The following CDK5RAP2 variants were observed in gnomAD, a reference collection of about 807,000 sequenced individuals.
CDK5RAP2 encodes CDK5 regulatory subunit associated protein 2.
CDK5RAP2 carries 147 observed loss-of-function variants against 232.9 expected under a neutral mutation model. That is an observed-to-expected ratio of 0.63 (90% CI 0.55 to 0.72). The LOEUF is 0.72. Among genes scored for constraint, CDK5RAP2 ranks in the 30% least tolerant of loss-of-function variants. CDK5RAP2 has a pLI of 0.00. For missense variants in CDK5RAP2, 2,195 were observed against 2,231.5 expected (o/e 0.98, Z 0.33); for synonymous variants, 833 against 833.7 (o/e 1.00, Z 0.01).
chr9:120,545,828 A>C (rs2041819366), intron 4 of CDK5RAP2, 38 bp from the exon 5 acceptor site: 3 of 1,514,610 alleles, frequency 2.0e-6, no homozygotes, highest in African/African-American at 2.7e-5. Context: ...AAACAATGTA[A>C]AATAGAGGAC....
intron 25 of CDK5RAP2, among the ~76,000 whole-genome samples, chr9:120,433,453 A>G (rs1252417291): frequency 6.6e-6 from 1 of 152,224 alleles, no homozygotes; most frequent in Non-Finnish European, 1.5e-5. Flanking sequence ...CCAATTAGGT[A>G]TTAGAATGCT....
chr9:120,400,633 A>AC, intron 35 of CDK5RAP2, 109 bp downstream of exon 35: 5 of 1,373,462 alleles, frequency 3.6e-6, no homozygotes, highest in Non-Finnish European at 5.1e-6. Flanking sequence ...CCTAATACAT[A>AC]CCCCAAATGG....
intron 25 of CDK5RAP2, among the ~76,000 whole-genome samples, chr9:120,426,718 C>T (rs988149975): frequency 6.6e-6 from 1 of 152,164 alleles, no homozygotes; most frequent in Non-Finnish European, 1.5e-5. Flanking sequence ...CTACAAGAGA[C>T]AGCATTTCAG....
intron 2 of CDK5RAP2, among the ~76,000 whole-genome samples, chr9:120,571,269 T>C (rs1327583189): frequency 6.6e-6 from 1 of 152,234 alleles, no homozygotes; most frequent in Non-Finnish European, 1.5e-5. Context: ...ACTCTTTTCC[T>C]GTCTGCTCCA....
chr9:120,409,425 G>T, intron 29 of CDK5RAP2, 109 bp from the exon 30 acceptor site: 1 of 857,754 alleles, frequency 1.2e-6, no homozygotes, highest in Non-Finnish European at 1.9e-6. Context: ...ATTCGATCTG[G>T]CATTTATGAT....
intron 25 of CDK5RAP2, among the ~76,000 whole-genome samples, chr9:120,430,091 A>G (rs1264091007): frequency 2.0e-5 from 3 of 152,132 alleles, no homozygotes; most frequent in Non-Finnish European, 4.4e-5. Flanking sequence ...CCTTCCTTAC[A>G]CCTTATACAA....
rs2040973664 is a variant in CDK5RAP2 at position 120,527,843 on chromosome 9, T to G, written c.962A>C (p.Gln321Pro). ...TGATTTTAATGCCATGGTTAAACCC[T>G]GAATGGCTTTATCCCTCTTTAGACT... Reference protein sequence around the residue: ...KNSLKRDKAIQGLTMALKSKE... With the variant: ...KNSLKRDKAIPGLTMALKSKE... The change falls in exon 10 of 38, where the codon CAG becomes CCG. Residue 321 changes from glutamine to proline, a missense_variant. Transcript: ENST00000349780. The G allele has an allele frequency of 6.2e-7, 1 of 1,613,700 alleles. No homozygotes were observed. The highest frequency in any genetic ancestry group is 8.5e-7 in the Non-Finnish European group (1 of 1,179,742).
chr9:120,558,704 T>C (rs1462268187), intron 3 of CDK5RAP2, among the ~76,000 whole-genome samples: 2 of 152,144 alleles, frequency 1.3e-5, no homozygotes, highest in African/African-American at 4.8e-5. Context: ...CCAGGGTGGC[T>C]CGATCTCATC....
intron 9 of CDK5RAP2, 57 bp downstream of exon 9, chr9:120,528,687 C>A (rs1222513423): frequency 9.1e-7 from 1 of 1,099,724 alleles, no homozygotes; most frequent in East Asian, 2.4e-5. Context: ...CAGAATAAAA[C>A]AAGAGGCAAG....
intron 22 of CDK5RAP2, among the ~76,000 whole-genome samples, chr9:120,445,373 T>A (rs1372986783): frequency 1.3e-5 from 2 of 152,234 alleles, no homozygotes; most frequent in African/African-American, 4.8e-5. Flanking sequence ...ATTCACTGAA[T>A]CCCTTGAGGT....
At chr9:120,431,957 T>C (rs567198630) in intron 25 of CDK5RAP2, among the ~76,000 whole-genome samples, 1 of 152,300 alleles carries the variant, frequency 6.6e-6, no homozygotes, top group South Asian at 2.1e-4. Context: ...AAAATGTACA[T>C]TGCAGGTTTC....
intron 14 of CDK5RAP2, among the ~76,000 whole-genome samples, chr9:120,480,446 A>T (rs1034337704): frequency 1.3e-5 from 2 of 152,206 alleles, no homozygotes; most frequent in Non-Finnish European, 2.9e-5. Flanking sequence ...AGAAATAGTT[A>T]TTTTGTATAT....
intron 13 of CDK5RAP2, 78 bp from the exon 14 acceptor site, chr9:120,487,515 GA>G: frequency 8.8e-7 from 1 of 1,136,430 alleles, no homozygotes; most frequent in Non-Finnish European, 1.2e-6. Flanking sequence ...ACTCCTTAAG[GA>G]AAAATATTTT....
intron 35 of CDK5RAP2, 31 bp from the exon 36 acceptor site, chr9:120,394,669 A>G: frequency 6.6e-7 from 1 of 1,514,102 alleles, no homozygotes; most frequent in South Asian, 1.1e-5. Context: ...AAAAATGAAC[A>G]AAGAACATAA....
At chr9:120,454,540 C>A (rs895715848) in intron 20 of CDK5RAP2, among the ~76,000 whole-genome samples, 1 of 152,222 alleles carries the variant, frequency 6.6e-6, no homozygotes, top group Non-Finnish European at 1.5e-5. Flanking sequence ...GCAGCAGATG[C>A]TTTTCATGTC....
rs549689536 is a variant in CDK5RAP2, at chr9:120,580,031, C to A, written c.-53G>T. 1.6e-6 allele frequency: 2 copies of A among 1,264,126 alleles called. No homozygotes were observed. The highest frequency in any genetic ancestry group is 1.5e-5 in the African/African-American group (1 of 68,536). The allele number at this position is 1,264,126 out of a possible 1,614,324, so 78.3% of individuals were successfully genotyped here. On this transcript the variant is annotated 5_prime_UTR_variant, in exon 1 of 38. Transcript: ENST00000349780. The stretch of plus-strand genomic sequence containing the variant: ...GTCTGTGGCGGCGGCGCCACTAGTA[C>A]CCCCCGCGATAGCGACCCGCCGGGC...
At chr9:120,522,985 T>G (rs1259378905) in intron 11 of CDK5RAP2, among the ~76,000 whole-genome samples, 1 of 152,222 alleles carries the variant, frequency 6.6e-6, no homozygotes, top group Non-Finnish European at 1.5e-5. Flanking sequence ...AGCATAGGCT[T>G]TGAAGACAGA....
intron 22 of CDK5RAP2, among the ~76,000 whole-genome samples, chr9:120,447,427 C>T (rs2036250900): frequency 6.6e-6 from 1 of 152,156 alleles, no homozygotes; most frequent in South Asian, 2.1e-4. Flanking sequence ...GAGAGCAGAG[C>T]CAGCAGGTTC....
intron 12 of CDK5RAP2, among the ~76,000 whole-genome samples, chr9:120,516,890 G>A: frequency 6.6e-6 from 1 of 152,170 alleles, no homozygotes; most frequent in East Asian, 1.9e-4. Flanking sequence ...CACTCCTCAG[G>A]ATCTATCCTA....
Sources: allele counts gnomAD v4.1 joint callset (sites outside exome capture counted in the v4.1 genomes callset), GRCh38; gene constraint gnomAD v4.1.1; transcripts MANE v1.5; gene names NCBI Gene and HGNC (gene_info 2026-07-23, HGNC 2026-07-21).